The following ADCY7 variants were observed in gnomAD, a reference collection of about 807,000 sequenced individuals.
ADCY7 encodes the protein adenylate cyclase type 7.
A neutral mutation model predicts 120.6 loss-of-function variants in ADCY7; 72 were observed. The ratio of observed to expected loss-of-function variants is 0.60; its 90% CI spans 0.49 to 0.73. The LOEUF is 0.73. ADCY7 is among the 30% of genes least tolerant of loss of function. The pLI is 0.00. For synonymous variants in ADCY7, 661 were observed against 628.0 expected (o/e 1.05, Z -0.78); for missense variants, 1,227 against 1,486.0 (o/e 0.83, Z 2.87).
intron 3 of ADCY7, among the ~76,000 whole-genome samples, chr16:50,291,009 C>T (rs531210565): frequency 7.9e-5 from 12 of 152,264 alleles, no homozygotes; most frequent in South Asian, 6.2e-4. Context: ...TGGACAGCTT[C>T]GGCCCCGGGC....
At chr16:50,303,904 G>A (rs2035893121) in intron 10 of ADCY7, among the ~76,000 whole-genome samples, 1 of 152,142 alleles carries the variant, frequency 6.6e-6, no homozygotes, top group African/African-American at 2.4e-5. Flanking sequence ...TGGGAGGGCA[G>A]GGTAGGATGC....
upstream of ADCY7, among the ~76,000 whole-genome samples, chr16:50,245,953 CTGGGGTGGGG>C (rs1159831770): frequency 9.0e-4 from 6 of 6,696 alleles, no homozygotes; most frequent in African/African-American, 1.4e-3. Flanking sequence ...TCTAGGGGAG[CTGGGGTGGGG>C]TGGGGTGGGG....
chr16:50,273,274 C>T lies in ADCY7; in HGVS notation c.-269+6594C>T, dbSNP rs1178442002. Among the ~76,000 whole-genome samples, 9 of 152,226 alleles carry T rather than the reference C, an allele frequency of 5.9e-5. No homozygotes were observed. The South Asian group carries it at 6.2e-4, about 10-fold the overall frequency. ...AGGTTCAGGAACATGCCCAAGGTCA[C>T]ACAGCTCCTCCAAGGTGGAGCTGAG... On this transcript the variant is annotated intron_variant, in intron 1 of 25. Transcript: ENST00000673801.
intron 10 of ADCY7, among the ~76,000 whole-genome samples, chr16:50,303,335 A>G (rs2035856335): frequency 6.6e-6 from 1 of 152,174 alleles, no homozygotes; most frequent in Non-Finnish European, 1.5e-5. Flanking sequence ...TTCTATCCCA[A>G]AAGGAGGTGA....
At position 50,308,352 on chromosome 16, in the gene ADCY7, G is replaced by C. The variant is rs577711215; in HGVS notation, c.1876G>C (p.Gly626Arg). 4 of 1,614,152 alleles carry C rather than the reference G, an allele frequency of 2.5e-6. No homozygotes were observed. The highest frequency in any genetic ancestry group is 3.4e-6 in the Non-Finnish European group (4 of 1,180,026). ...GACGGCGGCACTGGGTGTGTCCTTC[G>C]GGCTGGTGGCCTGTGTACTGGGGCT... ...PRTAALGVSF[G>R]LVACVLGLVL... Residue 626 changes from glycine to arginine, a missense_variant, in exon 16 of 26, where the codon GGG (glycine) becomes CGG (arginine). Gly to Arg is a moderately radical substitution (Grantham distance 125, BLOSUM62 -2). Around this residue, in one of 5 missense-constraint regions of ADCY7, gnomAD observed 267 missense variants for 270.0 expected, o/e 0.99. Transcript: ENST00000673801.
At chr16:50,304,103 C>T (rs1025007840) in intron 10 of ADCY7, among the ~76,000 whole-genome samples, 1 of 152,096 alleles carries the variant, frequency 6.6e-6, no homozygotes. Context: ...AGCCTCTTCT[C>T]GGCCTGGGGA....
At chr16:50,292,013 A>AGCCCGCTCCAAGGCCGG in intron 4 of ADCY7, 116 bp downstream of exon 4, 1 of 1,191,910 alleles carries the variant, frequency 8.4e-7, no homozygotes, top group Admixed American at 2.8e-5. Context: ...GTTTGCAGAC[A>AGCCCGCTCCAAGGCCGG]GCCCGCTCCA....
chr16:50,285,600 T>C (rs980611986), intron 1 of ADCY7, among the ~76,000 whole-genome samples: 5 of 152,236 alleles, frequency 3.3e-5, no homozygotes, highest in African/African-American at 1.2e-4. Flanking sequence ...GTGACTGCTC[T>C]GAGCTGTCCC....
In ADCY7 at chr16:50,311,816, A is replaced by G. The variant is rs771257020; in HGVS notation, c.2448+30A>G. 5 of 1,137,288 alleles carry G rather than the reference A, an allele frequency of 4.4e-6. No homozygotes were observed. In the South Asian group the frequency reaches 6.6e-5, roughly 15 times the overall value. 70.4% of individuals were successfully genotyped at this position (1,137,288 alleles called of 1,614,324 possible). On this transcript the variant is annotated intron_variant, in intron 20 of 25. Coordinates refer to ENST00000673801, the MANE Select transcript of ADCY7 (RefSeq NM_001114.5). ...GGAGGCTGGCCCCCCCCCCCCCCCC[A>G]AGCTCTGCCCACTTTTCCTCACCTC...
chr16:50,311,868 G>GGGCTC (rs2036503462), intron 20 of ADCY7, 82 bp downstream of exon 20: 2 of 1,445,818 alleles, frequency 1.4e-6, no homozygotes, highest in Admixed American at 1.7e-5. Flanking sequence ...GGGGTGGGGT[G>GGGCTC]GGCTCAGGTG....
intron 7 of ADCY7, among the ~76,000 whole-genome samples, chr16:50,298,436 C>T (rs1360120948): frequency 6.6e-6 from 1 of 152,212 alleles, no homozygotes; most frequent in Non-Finnish European, 1.5e-5. Context: ...TCACTTCCCT[C>T]CTGTGCCTTG....
chr16:50,311,105 A>G (rs766745892), intron 19 of ADCY7, among the ~76,000 whole-genome samples: 1 of 152,218 alleles, frequency 6.6e-6, no homozygotes, highest in Middle Eastern at 3.4e-3. Flanking sequence ...AGGCCAGTCT[A>G]GTGGTGGGGA....
intron 1 of ADCY7, among the ~76,000 whole-genome samples, chr16:50,249,978 C>G (rs1476701069): frequency 6.6e-6 from 1 of 152,238 alleles, no homozygotes; most frequent in East Asian, 1.9e-4. Flanking sequence ...GCAGCACAAG[C>G]TCTAAAGAGA....
At position 50,288,336 on chromosome 16, in the gene ADCY7, G is replaced by A. The variant is rs904592690; in HGVS notation, c.157G>A (p.Ala53Thr). 5 of 1,548,174 alleles carry A rather than the reference G, an allele frequency of 3.2e-6. No homozygotes were observed. The highest frequency in any genetic ancestry group is 2.0e-5 in the Admixed American group (1 of 50,804). Residue 53 changes from alanine (A) to threonine (T), a missense_variant, in exon 2 of 26, where the codon GCC (alanine) becomes ACC (threonine). Coordinates refer to ENST00000673801, the MANE Select transcript of ADCY7 (RefSeq NM_001114.5). ...ATACVALIII[A>T]FSQGDPSRHQ... ...TGCCTGCGTGGCCCTCATCATCATT[G>A]CCTTCAGCCAGGGGGTGAGTGAGGG...
chr16:50,314,612 C>T, intron 24 of ADCY7: 1 of 536,874 alleles, frequency 1.9e-6, no homozygotes, highest in Non-Finnish European at 3.3e-6. Context: ...TAATACGTAA[C>T]TACAGAAAAT....
chr16:50,304,314 G>A (rs769702722), intron 10 of ADCY7, 46 bp from the exon 11 acceptor site: 28 of 1,381,158 alleles, frequency 2.0e-5, no homozygotes, highest in South Asian at 3.5e-5. Flanking sequence ...TTCCTGGGCC[G>A]AGAGGGGAGG....
intron 8 of ADCY7, among the ~76,000 whole-genome samples, chr16:50,299,245 C>T (rs1324587234): frequency 1.3e-5 from 2 of 152,236 alleles, no homozygotes; most frequent in African/African-American, 4.8e-5. Context: ...GACTCTGAGT[C>T]CCAGAAAGCA....
At chr16:50,306,637 C>T (rs1183923018) in intron 14 of ADCY7, among the ~76,000 whole-genome samples, 4 of 152,080 alleles carry the variant, frequency 2.6e-5, no homozygotes, top group Non-Finnish European at 4.4e-5. Context: ...AGGACAGCCC[C>T]GGAAGCTCAG....
intron 1 of ADCY7, among the ~76,000 whole-genome samples, chr16:50,276,247 C>A (rs2033883343): frequency 1.3e-5 from 2 of 152,254 alleles, no homozygotes; most frequent in Admixed American, 6.5e-5. Flanking sequence ...GCCTGAGTTG[C>A]TGACCAATGT....
Sources: gnomAD v4.1 joint callset for allele counts (sites outside exome capture counted in the v4.1 genomes callset) on GRCh38, gnomAD v4.1.1 for gene constraint, gnomAD v4.1.1 regional missense constraint, MANE v1.5 for transcripts, NCBI Gene and HGNC (gene_info 2026-07-23, HGNC 2026-07-21) for gene names.